Variants in ASB4 observed in about 807,000 individuals in gnomAD.
ASB4 encodes the protein ankyrin repeat and SOCS box protein 4.
ASB4 carries 35 observed loss-of-function variants against 38.6 expected under a neutral mutation model. That is an observed-to-expected ratio of 0.91 (90% CI 0.69 to 1.20). The LOEUF is 1.20. Among genes scored for constraint, ASB4 ranks in the 50% most tolerant of loss-of-function variants. The pLI is 0.00. For synonymous variants in ASB4, 195 were observed against 201.3 expected (o/e 0.97, Z 0.26); for missense variants, 557 against 527.2 (o/e 1.06, Z -0.55).
At position 95,495,916 on chromosome 7, in the gene ASB4, G is replaced by A. The variant is rs376814974; in HGVS notation, c.346G>A (p.Glu116Lys). The A allele has an allele frequency of 7.7e-5, 125 of 1,614,132 alleles. No individual in the cohort carries two copies. The South Asian group carries it at 1.1e-3, about 14-fold the overall frequency. ...GAAAACCCCTCTTCACGTGGCTTGTGAAATGGCCAATGTGGATTGTGTTAA... is the reference window on the plus strand; with the variant it reads ...GAAAACCCCTCTTCACGTGGCTTGTAAAATGGCCAATGTGGATTGTGTTAA... ...NGKTPLHVAC[E>K]MANVDCVKIL... The change falls in exon 2 of 5, where the codon GAA (glutamate) becomes AAA (lysine). Residue 116 changes from glutamate to lysine, a missense_variant. Transcript: ENST00000325885.
At chr7:95,506,087 C>G (rs926502749) in intron 2 of ASB4, among the ~76,000 whole-genome samples, 5 of 151,998 alleles carry the variant, frequency 3.3e-5, no homozygotes, top group Non-Finnish European at 7.4e-5. Context: ...TTAGTAGAGA[C>G]AGGGTCTTGC....
intron 2 of ASB4, among the ~76,000 whole-genome samples, chr7:95,506,743 G>T (rs1386126849): frequency 2.2e-5 from 3 of 135,352 alleles, no homozygotes; most frequent in East Asian, 2.2e-4. Context: ...GAACTGTCTT[G>T]GTAGGTTTAT....
intron 3 of ASB4, among the ~76,000 whole-genome samples, chr7:95,532,566 G>T (rs1042922117): frequency 2.6e-5 from 4 of 152,098 alleles, no homozygotes; most frequent in Admixed American, 1.3e-4. Flanking sequence ...TGTATATGAA[G>T]GTAGGCAGTT....
upstream of ASB4, among the ~76,000 whole-genome samples, chr7:95,475,682 C>A (rs776536235): frequency 6.6e-6 from 1 of 152,178 alleles, no homozygotes; most frequent in Non-Finnish European, 1.5e-5. Flanking sequence ...CCGTGCCCGG[C>A]CTTGAATTTA....
intron 3 of ASB4, among the ~76,000 whole-genome samples, chr7:95,530,039 A>C (rs1790796811): frequency 6.6e-6 from 1 of 151,878 alleles, no homozygotes; most frequent in East Asian, 1.9e-4. Context: ...GGAGACAGGA[A>C]ACAAACAAAA....
chr7:95,521,732 TAA>T (rs940124118), intron 2 of ASB4, among the ~76,000 whole-genome samples: 31 of 151,036 alleles, frequency 2.1e-4, no homozygotes, highest in African/African-American at 7.0e-4. Context: ...TTGTGATGGA[TAA>T]AAACAGGTTG....
rs749548166 is a variant in ASB4, at chr7:95,486,042, C to T, written c.71C>T (p.Ala24Val). 1.5e-5 allele frequency: 24 copies of T among 1,613,902 alleles called. No homozygotes were observed. The East Asian group carries it at 1.6e-4, about 10-fold the overall frequency. The change falls in exon 1 of 5, where the codon GCG becomes GTG. Residue 24 changes from alanine to valine, a missense_variant. Coordinates refer to ENST00000325885, the MANE Select transcript of ASB4 (RefSeq NM_016116.3). ...AKLVKRNFLEALKSNDFGKLK... is the reference protein window; with the variant it reads ...AKLVKRNFLEVLKSNDFGKLK... ...TTAGTTAAGAGAAATTTCCTTGAGG[C>T]GCTAAAGTCCAATGACTTCGGAAAA...
At chr7:95,496,468 T>C (rs545792961) in intron 2 of ASB4, among the ~76,000 whole-genome samples, 1 of 152,306 alleles carries the variant, frequency 6.6e-6, no homozygotes, top group East Asian at 1.9e-4. Flanking sequence ...ACAGGAGTTA[T>C]GAATGAGGAT....
the ASB4 span, among the ~76,000 whole-genome samples, chr7:95,545,260 A>G: frequency 6.6e-6 from 1 of 152,204 alleles, no homozygotes; most frequent in African/African-American, 2.4e-5. Context: ...AAGAAAATTA[A>G]ACCAGAAAGA....
chr7:95,526,933 T>G (rs899406661), intron 2 of ASB4, among the ~76,000 whole-genome samples: 2 of 152,202 alleles, frequency 1.3e-5, no homozygotes, highest in South Asian at 4.1e-4. Context: ...CATTTCTAAT[T>G]AGAAAAACAA....
At chr7:95,494,911 C>G (rs1790222780) in intron 1 of ASB4, among the ~76,000 whole-genome samples, 1 of 152,190 alleles carries the variant, frequency 6.6e-6, no homozygotes, top group Non-Finnish European at 1.5e-5. Context: ...CACATCTATG[C>G]TTCCCCTGCC....
chr7:95,489,557 C>T (rs1790140849), intron 1 of ASB4, among the ~76,000 whole-genome samples: 1 of 152,176 alleles, frequency 6.6e-6, no homozygotes, highest in Non-Finnish European at 1.5e-5. Context: ...AAACTTTTCT[C>T]ACATTTTGTA....
chr7:95,521,187 G>T (rs1790657574), intron 2 of ASB4, among the ~76,000 whole-genome samples: 1 of 151,850 alleles, frequency 6.6e-6, no homozygotes, highest in Admixed American at 6.6e-5. Flanking sequence ...TATATATTCT[G>T]ATTATGTTTT....
At chr7:95,510,901 T>A (rs994209945) in intron 2 of ASB4, among the ~76,000 whole-genome samples, 7 of 152,222 alleles carry the variant, frequency 4.6e-5, no homozygotes, top group Admixed American at 4.6e-4. Flanking sequence ...CTATCAGCAC[T>A]TTAATTTGTT....
intron 3 of ASB4, among the ~76,000 whole-genome samples, chr7:95,532,361 G>C (rs1292438012): frequency 6.6e-6 from 1 of 152,120 alleles, no homozygotes; most frequent in Non-Finnish European, 1.5e-5. Context: ...AAGAATTATA[G>C]GGTCTGCAAT....
intron 1 of ASB4, among the ~76,000 whole-genome samples, chr7:95,489,650 C>G (rs1790142074): frequency 6.6e-6 from 1 of 152,136 alleles, no homozygotes; most frequent in African/African-American, 2.4e-5. Context: ...AAAGCAAAAA[C>G]AAGTAAGCCA....
chr7:95,537,401 T>G (rs2116659837), intron 4 of ASB4, among the ~76,000 whole-genome samples, 170 bp from the exon 5 acceptor site: 1 of 152,328 alleles, frequency 6.6e-6, no homozygotes, highest in East Asian at 1.9e-4. Context: ...TTTCCTTGTA[T>G]ACCACCGCCT....
At chr7:95,484,910 A>G (rs1790064108), upstream of ASB4, among the ~76,000 whole-genome samples, 2 of 151,780 alleles carry the variant, frequency 1.3e-5, no homozygotes. Flanking sequence ...CCAAGTCTTT[A>G]AGTTTTTGCC....
intron 2 of ASB4, among the ~76,000 whole-genome samples, chr7:95,505,294 A>G (rs557885657): frequency 2.6e-5 from 4 of 152,312 alleles, no homozygotes; most frequent in Non-Finnish European, 5.9e-5. Context: ...ACAAAAATCA[A>G]TTGCATTTCT....
Sources: allele counts gnomAD v4.1 joint callset (sites outside exome capture counted in the v4.1 genomes callset), GRCh38; gene constraint gnomAD v4.1.1; transcripts MANE v1.5; gene names NCBI Gene and HGNC (gene_info 2026-07-23, HGNC 2026-07-21).